LMBRD2: variants seen among roughly 807,000 people sequenced by gnomAD.
The protein encoded by LMBRD2 is LMBR1 domain containing 2, also known as G protein-coupled receptor-associated protein LMBRD2.
LMBRD2 carries 55 observed loss-of-function variants against 94.4 expected under a neutral mutation model. The observed-to-expected ratio is 0.58, with a 90% CI of 0.47 to 0.73. The LOEUF is 0.73. Among genes scored for constraint, LMBRD2 ranks in the 30% least tolerant of loss-of-function variants. LMBRD2 has a pLI of 0.00. For missense variants in LMBRD2, 640 were observed against 831.9 expected (o/e 0.77, Z 2.84); for synonymous variants, 246 against 272.4 (o/e 0.90, Z 0.95).
chr5:36,148,764 A>T (rs1744615678), intron 1 of LMBRD2, among the ~76,000 whole-genome samples: 1 of 152,230 alleles, frequency 6.6e-6, no homozygotes, highest in Admixed American at 6.5e-5. Context: ...TCTTTACTAC[A>T]GAGCCTGGAT....
At chr5:36,149,768 T>C (rs898682981) in intron 1 of LMBRD2, among the ~76,000 whole-genome samples, 1 of 152,074 alleles carries the variant, frequency 6.6e-6, no homozygotes, top group Admixed American at 6.6e-5. Context: ...TAGCCAGGCG[T>C]GGTGGCGCAT....
At position 36,103,593 on chromosome 5, in the gene LMBRD2, C is replaced by G. The variant is rs1307139657; in HGVS notation, c.*453G>C. ...AGTTATTATTTGAGGTCTCCATTCA[C>G]TTACATTTCTTTGGGAAATACAGGT... On this transcript the variant is annotated 3_prime_UTR_variant, in exon 18 of 18. Coordinates refer to ENST00000296603, the MANE Select transcript of LMBRD2 (RefSeq NM_001007527.2). The G allele has an allele frequency of 6.6e-6, 1 of 152,452 alleles. No individual in the cohort carries two copies. Among genetic ancestry groups the G allele is most frequent in the African/African-American group, 2.4e-5 (1 of 41,390 alleles). The allele number at this position is 152,452 out of a possible 1,614,324, so 9.4% of individuals were successfully genotyped here. A position where few individuals can be genotyped will look rare whatever the true frequency, so the allele number is the denominator to read the frequency against.
chr5:36,134,715 T>C (rs560177808), intron 6 of LMBRD2, among the ~76,000 whole-genome samples: 13 of 152,270 alleles, frequency 8.5e-5, no homozygotes, highest in African/African-American at 3.1e-4. Flanking sequence ...ACCCTGCAGA[T>C]ACCTTAATCT....
rs1460947841 is a variant in LMBRD2 at position 36,117,767 on chromosome 5, C to T, written c.1270G>A (p.Ala424Thr). Residue 424 changes from alanine (A) to threonine (T), a missense_variant, in exon 10 of 18, where the codon GCA becomes ACA. Physicochemically the swap from Ala to Thr is moderately conservative, Grantham distance 58. This residue lies in a region of LMBRD2 where 457 missense variants were observed against 642.8 expected (regional missense o/e 0.71). Coordinates refer to ENST00000296603, the MANE Select transcript of LMBRD2 (RefSeq NM_001007527.2). Reference protein sequence around the residue: ...LSLFAVFIQLAEKTYNYIYIE... With the variant: ...LSLFAVFIQLTEKTYNYIYIE... ...TAAATATAATTATATGTTTTTTCTG[C>T]CAGCTGTATGAAGACCGCAAAGAGG... 1.2e-6 allele frequency: 2 copies of T among 1,605,322 alleles called. No homozygotes were observed. Among genetic ancestry groups the T allele is most frequent in the East Asian group, 2.2e-5 (1 of 44,766 alleles).
intron 4 of LMBRD2, 105 bp from the exon 5 acceptor site, chr5:36,137,546 T>G (rs1330813855): frequency 2.1e-5 from 13 of 606,520 alleles, no homozygotes; most frequent in Non-Finnish European, 3.6e-5. Context: ...GAATAGGTCT[T>G]CTCATTAATA....
At chr5:36,145,721 G>A (rs564530156) in intron 1 of LMBRD2, among the ~76,000 whole-genome samples, 3 of 152,150 alleles carry the variant, frequency 2.0e-5, no homozygotes, top group African/African-American at 7.2e-5. Flanking sequence ...TCCAGTGCAA[G>A]GAATATGACA....
chr5:36,146,319 T>C (rs1744536882), intron 1 of LMBRD2, among the ~76,000 whole-genome samples: 1 of 152,176 alleles, frequency 6.6e-6, no homozygotes, highest in Non-Finnish European at 1.5e-5. Flanking sequence ...CACACAAGTT[T>C]AAAATCAAGG....
At chr5:36,146,971 T>C (rs1744564351) in intron 1 of LMBRD2, among the ~76,000 whole-genome samples, 1 of 151,292 alleles carries the variant, frequency 6.6e-6, no homozygotes, top group South Asian at 2.1e-4. Context: ...TGTGTGTGTG[T>C]GTGTGTGTGT....
chr5:36,116,739 C>T (rs753793450), intron 10 of LMBRD2, 146 bp from the exon 11 acceptor site: 38 of 671,716 alleles, frequency 5.7e-5, no homozygotes, highest in South Asian at 4.0e-4. Context: ...TGCAGTGGCG[C>T]GATCTTGGCT....
At chr5:36,126,993 C>T (rs1744023042) in intron 6 of LMBRD2, among the ~76,000 whole-genome samples, 1 of 152,214 alleles carries the variant, frequency 6.6e-6, no homozygotes, top group Non-Finnish European at 1.5e-5. Context: ...CCCGCAAGGC[C>T]CAGGCCATAC....
At position 36,099,416 on chromosome 5, in the gene LMBRD2, A is replaced by G. The variant is rs1224940263; in HGVS notation, c.*4630T>C. ...AAAAATCCTTCGAGTTGTTTTCAAAATATGAACAAAAACAAATCCATTGGA... is the reference window on the plus strand; with the variant it reads ...AAAAATCCTTCGAGTTGTTTTCAAAGTATGAACAAAAACAAATCCATTGGA... On this transcript the variant is annotated 3_prime_UTR_variant, in exon 18 of 18. Transcript: ENST00000296603. The G allele has an allele frequency of 6.6e-6, 1 of 152,166 alleles. No individual in the cohort carries two copies. The highest frequency in any genetic ancestry group is 1.5e-5 in the Non-Finnish European group (1 of 68,014). The allele number at this position is 152,166 out of a possible 1,614,324, so 9.4% of individuals were successfully genotyped here.
At position 36,122,963 on chromosome 5, in the gene LMBRD2, TAA is replaced by T. The variant is rs141044130; in HGVS notation, c.823-4_823-3del. Reference sequence around the variant, plus strand: ...TTTTTCCTGATACTCTGTAGGGCACTAAAAAAAAAAAAAAGTAGATTTTTAAA... The same window carrying T: ...TTTTTCCTGATACTCTGTAGGGCACTAAAAAAAAAAAAGTAGATTTTTAAA... On this transcript the variant is annotated splice_region_variant and splice_polypyrimidine_tract_variant and intron_variant, in intron 7 of 17. Transcript: ENST00000296603. 11,964 of 1,284,558 alleles carry T rather than the reference TAA, an allele frequency of 9.3e-3. No individual in the cohort carries two copies. Among genetic ancestry groups the T allele is most frequent in the South Asian group, 0.018 (1,019 of 55,324 alleles). The allele number at this position is 1,284,558 out of a possible 1,614,324, so 79.6% of individuals were successfully genotyped here. A position where few individuals can be genotyped will look rare whatever the true frequency, so the allele number is the denominator to read the frequency against.
chr5:36,105,890 A>T (rs1379171659), intron 16 of LMBRD2, among the ~76,000 whole-genome samples: 1 of 152,086 alleles, frequency 6.6e-6, no homozygotes, highest in Non-Finnish European at 1.5e-5. Flanking sequence ...AAACAAACCA[A>T]ATTTTCACAA....
intron 6 of LMBRD2, among the ~76,000 whole-genome samples, chr5:36,125,581 T>C (rs1407099303): frequency 6.6e-6 from 1 of 152,130 alleles, no homozygotes; most frequent in South Asian, 2.1e-4. Context: ...AAAATTGATA[T>C]CATGTAAAGA....
rs1743342775 is a variant in LMBRD2 at position 36,101,357 on chromosome 5, A to G, written c.*2689T>C. 1 of 151,962 alleles carries G rather than the reference A, an allele frequency of 6.6e-6. No individual in the cohort carries two copies. The highest frequency in any genetic ancestry group is 1.5e-5 in the Non-Finnish European group (1 of 67,870). The allele number at this position is 151,962 out of a possible 1,614,324, so 9.4% of individuals were successfully genotyped here. A position where few individuals can be genotyped will look rare whatever the true frequency, so the allele number is the denominator to read the frequency against. Reference sequence around the variant, plus strand: ...AATTACTGGCTTACTGAATATTCTTACCTAACAACTATTTAAAGAATAATT... The same window carrying G: ...AATTACTGGCTTACTGAATATTCTTGCCTAACAACTATTTAAAGAATAATT... On this transcript the variant is annotated 3_prime_UTR_variant, in exon 18 of 18. Coordinates refer to ENST00000296603, the MANE Select transcript of LMBRD2 (RefSeq NM_001007527.2).
intron 16 of LMBRD2, among the ~76,000 whole-genome samples, chr5:36,107,195 C>G (rs1743492712): frequency 6.6e-6 from 1 of 152,118 alleles, no homozygotes; most frequent in Admixed American, 6.6e-5. Flanking sequence ...CTATTTAGCT[C>G]TTTTGTATAG....
intron 16 of LMBRD2, 126 bp downstream of exon 16, chr5:36,108,408 C>T (rs1743523246): frequency 2.1e-6 from 1 of 485,030 alleles, no homozygotes; most frequent in East Asian, 3.1e-5. Flanking sequence ...AAAAAGAAGT[C>T]ACTGCAAATA....
At position 36,122,338 on chromosome 5, in the gene LMBRD2, GGT is replaced by G. The variant is rs1743905653; in HGVS notation, c.1060_1061del (p.Thr354LeufsTer16). ...GATTTTCTGGCTCTGGCGATTGAAA[GGT>G]GTGAACAAACTGATGAGTAGCACTA... is the stretch of plus-strand genomic sequence containing the variant. The part of the protein sequence containing the change: ...ETSATHQFVH[T>X]FQSPEPENRF... On this transcript the variant is annotated frameshift_variant, in exon 9 of 18. Transcript: ENST00000296603. LOFTEE classifies it high-confidence loss of function. 4.3e-6 allele frequency: 7 copies of G among 1,611,732 alleles called. No individual in the cohort carries two copies. Among genetic ancestry groups the G allele is most frequent in the Non-Finnish European group, 5.1e-6 (6 of 1,179,278 alleles).
At position 36,098,453 on chromosome 5, in the gene LMBRD2, T is replaced by C. The variant is rs964961182; in HGVS notation, c.*5593A>G. 5 of 152,044 alleles carry C rather than the reference T, an allele frequency of 3.3e-5. No homozygotes were observed. Among genetic ancestry groups the C allele is most frequent in the African/African-American group, 4.8e-5 (2 of 41,450 alleles). 9.4% of individuals were successfully genotyped at this position (152,044 alleles called of 1,614,324 possible). On this transcript the variant is annotated 3_prime_UTR_variant, in exon 18 of 18. Transcript: ENST00000296603. The stretch of plus-strand genomic sequence containing the variant: ...CATATTTATTTTAAAACATTTGTCA[T>C]ATTTGCTAATAAATTGATAAGGAAC...
Sources: allele counts gnomAD v4.1 joint callset (sites outside exome capture counted in the v4.1 genomes callset), GRCh38; gene constraint gnomAD v4.1.1; regional missense constraint gnomAD v4.1.1; transcripts MANE v1.5; gene names NCBI Gene and HGNC (gene_info 2026-07-23, HGNC 2026-07-21).